PWWP3A: variants seen among roughly 807,000 people sequenced by gnomAD.
PWWP3A encodes the protein PWWP domain containing 3A, DNA repair factor, also known as PWWP domain-containing DNA repair factor 3A.
In PWWP3A, 53 loss-of-function variants were observed where a neutral mutation model predicts 79.0. That is an observed-to-expected ratio of 0.67 (90% CI 0.54 to 0.84). The LOEUF (loss-of-function observed/expected upper bound fraction) is 0.84, where lower values mean the gene tolerates loss of function less well. Ranked by LOEUF, PWWP3A falls within the 40% of genes least tolerant of loss-of-function variation. The probability of loss-of-function intolerance (pLI) is 0.00; values close to 1 mark genes in which losing one functional copy is unlikely to be tolerated. For missense variants in PWWP3A, 973 were observed against 948.0 expected, an observed-to-expected ratio of 1.03 and a Z score of -0.35; for synonymous variants, 443 against 394.4, an observed-to-expected ratio of 1.12 and a Z score of -1.46.
intron 6 of PWWP3A, among the ~76,000 whole-genome samples, chr19:1,362,828 G>A (rs2082048926): frequency 6.6e-6 from 1 of 152,244 alleles, no homozygotes; most frequent in Admixed American, 6.5e-5. Context: ...TGCACTAGAG[G>A]AAAACCTGCC....
chr19:1,362,364 C>G lies in PWWP3A; in HGVS notation c.1213+13C>G. 6.2e-7 allele frequency: 1 copy of G among 1,607,940 alleles called. No homozygotes were observed. The highest frequency in any genetic ancestry group is 8.5e-7 in the Non-Finnish European group (1 of 1,175,710). On this transcript the variant is annotated intron_variant, in intron 6 of 13. Coordinates refer to ENST00000591337, the MANE Select transcript of PWWP3A (RefSeq NM_001369789.1). ...CTTTTATACCACGGTAAGAAATGAT[C>G]AGGGGGCGCCGGCAGTCCTAACGGT...
chr19:1,362,527 A>G (rs1308723741), intron 6 of PWWP3A, among the ~76,000 whole-genome samples, 176 bp downstream of exon 6: 1 of 152,114 alleles, frequency 6.6e-6, no homozygotes, highest in African/African-American at 2.4e-5. Context: ...TCAGTCCTCT[A>G]TCTTAAGAAT....
rs961488698 is a variant in PWWP3A at position 1,369,472 on chromosome 19, T to C, written c.1499-124T>C. On this transcript the variant is annotated intron_variant, in intron 10 of 13. Transcript: ENST00000591337. The surrounding 1 kb of genome is among the most constrained non-coding windows in gnomAD (Gnocchi z 4.0). Reference sequence around the variant, plus strand: ...GTGGGCCTGGGGCATTCCCTGTGGGTGGGCTGGGGTTCTGGCCTGGCCTGA... The same window carrying C: ...GTGGGCCTGGGGCATTCCCTGTGGGCGGGCTGGGGTTCTGGCCTGGCCTGA... 2.0e-6 allele frequency: 3 copies of C among 1,481,108 alleles called. No homozygotes were observed. The African/African-American group carries it at 4.2e-5, about 21-fold the overall frequency. 91.7% of individuals were successfully genotyped at this position (1,481,108 alleles called of 1,614,324 possible).
Position 1,357,064 on chromosome 19 carries a change from T to C in PWWP3A, c.113T>C (p.Leu38Pro), listed in dbSNP as rs1291313859. ...AATAAGAGAAGAAAGGAATATTTTC[T>C]AGCTGTGCAAATCCTCTCTCTAGAG... Reference protein sequence around the residue: ...TKNKRRKEYFLAVQILSLEEK... With the variant: ...TKNKRRKEYFPAVQILSLEEK... The change falls in exon 3 of 14, where the codon CTA becomes CCA. Residue 38 changes from leucine (L) to proline (P), a missense_variant. By Grantham distance (98) the Leu-to-Pro change is moderately conservative. Transcript: ENST00000591337. 1.2e-6 allele frequency: 2 copies of C among 1,613,260 alleles called. No homozygotes were observed. Among genetic ancestry groups the C allele is most frequent in the Non-Finnish European group, 1.7e-6 (2 of 1,179,806 alleles).
At position 1,369,785 on chromosome 19, in the gene PWWP3A, A is replaced by G. The variant is rs1044107634; in HGVS notation, c.1549+139A>G. 16 of 1,010,634 alleles carry G rather than the reference A, an allele frequency of 1.6e-5. 1 individual carries two copies. The highest frequency in any genetic ancestry group is 9.6e-5 in the East Asian group (4 of 41,628). The allele number at this position is 1,010,634 out of a possible 1,614,324, so 62.6% of individuals were successfully genotyped here. On this transcript the variant is annotated intron_variant, in intron 11 of 13. Coordinates refer to ENST00000591337, the MANE Select transcript of PWWP3A (RefSeq NM_001369789.1). The surrounding 1 kb of genome is among the most constrained non-coding windows in gnomAD (Gnocchi z 4.0). ...AGCCACACAGCATTGTTCAACCTCT[A>G]TGAGGTTTTGATGTGACCCTGAGGC...
intron 3 of PWWP3A, 160 bp from the exon 4 acceptor site, chr19:1,358,234 C>T (rs2144695073): frequency 1.7e-6 from 1 of 601,932 alleles, no homozygotes; most frequent in South Asian, 2.4e-5. Context: ...CTGCCTGTAA[C>T]CTCAGGCAGA....
At chr19:1,366,833 A>G (rs573829482) in intron 8 of PWWP3A, among the ~76,000 whole-genome samples, 17 of 152,360 alleles carry the variant, frequency 1.1e-4, no homozygotes, top group African/African-American at 3.8e-4. Flanking sequence ...GAACCATCGC[A>G]TTGCATATCC....
At chr19:1,375,162 G>A (rs1308202520) in intron 13 of PWWP3A, among the ~76,000 whole-genome samples, 1 of 150,528 alleles carries the variant, frequency 6.6e-6, no homozygotes, top group Non-Finnish European at 1.5e-5. Context: ...GGTGGAGGTT[G>A]CAGTGAGCTG....
At chr19:1,366,789 C>T (rs913489691) in intron 8 of PWWP3A, among the ~76,000 whole-genome samples, 1 of 152,246 alleles carries the variant, frequency 6.6e-6, no homozygotes, top group African/African-American at 2.4e-5. Flanking sequence ...TGAAAGCACA[C>T]GTGGATGGAT....
In PWWP3A at chr19:1,369,580, C is replaced by T. The variant is rs76572504; in HGVS notation, c.1499-16C>T. 2.4e-3 allele frequency: 3,869 copies of T among 1,614,102 alleles called. 67 individuals carry two copies. The African/African-American group carries it at 0.043, about 18-fold the overall frequency. ...CTTAGGTCTACACAGTGCTCTCTCC[C>T]CTCCACCCCCTGCAGGCTGCGGGTC... On this transcript the variant is annotated splice_polypyrimidine_tract_variant and intron_variant, in intron 10 of 13. Transcript: ENST00000591337. The surrounding 1 kb of genome is among the most constrained non-coding windows in gnomAD (Gnocchi z 4.0).
intron 2 of PWWP3A, 74 bp from the exon 3 acceptor site, chr19:1,356,935 T>C (rs1458590056): frequency 4.2e-6 from 5 of 1,181,580 alleles, no homozygotes; most frequent in Non-Finnish European, 6.2e-6. Flanking sequence ...CTGCTGCATT[T>C]GTGCTAAAGT....
In PWWP3A at chr19:1,356,353, T is replaced by C. The variant is rs1446718884; in HGVS notation, c.-40T>C. 6.2e-7 allele frequency: 1 copy of C among 1,606,322 alleles called. No individual in the cohort carries two copies. The highest frequency in any genetic ancestry group is 1.1e-5 in the South Asian group (1 of 90,944). ...CATTGGCGTGAGACCTGGGAGTACG[T>C]TGTGCCAAATCATTGCCACTTGCCA... On this transcript the variant is annotated 5_prime_UTR_variant, in exon 2 of 14. Coordinates refer to ENST00000591337, the MANE Select transcript of PWWP3A (RefSeq NM_001369789.1).
Position 1,369,797 on chromosome 19 carries a change from T to C in PWWP3A, c.1549+151T>C. The stretch of plus-strand genomic sequence containing the variant: ...TTGTTCAACCTCTATGAGGTTTTGA[T>C]GTGACCCTGAGGCTCCCTGGGACCT... On this transcript the variant is annotated intron_variant, in intron 11 of 13. Transcript: ENST00000591337. This position sits in a 1 kb window ranked among gnomAD's most constrained non-coding sequence, Gnocchi z 4.0. 1.1e-6 allele frequency: 1 copy of C among 948,754 alleles called. No homozygotes were observed. 58.8% of individuals were successfully genotyped at this position (948,754 alleles called of 1,614,324 possible). A position where few individuals can be genotyped will look rare whatever the true frequency, so the allele number is the denominator to read the frequency against.
At chr19:1,372,442 A>G (rs7256029) in intron 12 of PWWP3A, 60,681 of 152,008 alleles carry the variant, frequency 0.4, 13,090 homozygotes, top group Middle Eastern at 0.55. Context: ...TTGTGTATTC[A>G]GGATACTCTT....
Position 1,360,975 on chromosome 19 carries a change from G to A in PWWP3A, c.1054G>A (p.Ala352Thr), listed in dbSNP as rs1410874730. The A allele has an allele frequency of 2.1e-5, 31 of 1,460,872 alleles. No homozygotes were observed. Among genetic ancestry groups the A allele is most frequent in the Non-Finnish European group, 2.8e-5 (31 of 1,106,556 alleles). The allele number at this position is 1,460,872 out of a possible 1,614,324, so 90.5% of individuals were successfully genotyped here. ...CAGGCTGGGCCCGCCTCCCTCCCACGCCTCTGCGGATGCAACCAGATGTCT... is the reference window on the plus strand; with the variant it reads ...CAGGCTGGGCCCGCCTCCCTCCCACACCTCTGCGGATGCAACCAGATGTCT... The part of the protein sequence containing the change: ...TARLGPPPSH[A>T]SADATRCLPC... Residue 352 changes from alanine (A) to threonine (T), a missense_variant, in exon 5 of 14, where the codon GCC (alanine) becomes ACC (threonine). Coordinates refer to ENST00000591337, the MANE Select transcript of PWWP3A (RefSeq NM_001369789.1). This position sits in a 1 kb window ranked among gnomAD's most constrained non-coding sequence, Gnocchi z 4.4.
At position 1,369,692 on chromosome 19, in the gene PWWP3A, C is replaced by T. The variant is rs2082209549; in HGVS notation, c.1549+46C>T. On this transcript the variant is annotated intron_variant, in intron 11 of 13. Transcript: ENST00000591337. This position sits in a 1 kb window ranked among gnomAD's most constrained non-coding sequence, Gnocchi z 4.0. ...TGGAAAATGTGGTTTGCCTTTTAGC[C>T]CTTTAGAAAAACAATCTTCTATGTC... 3 of 1,600,874 alleles carry T rather than the reference C, an allele frequency of 1.9e-6. No individual in the cohort carries two copies. The highest frequency in any genetic ancestry group is 2.6e-6 in the Non-Finnish European group (3 of 1,167,882).
At chr19:1,364,952 C>G (rs1043115392) in intron 7 of PWWP3A, among the ~76,000 whole-genome samples, 53 of 152,238 alleles carry the variant, frequency 3.5e-4, no homozygotes, top group Admixed American at 3.1e-3. Flanking sequence ...AACCCTGACT[C>G]TACTAAAAAT....
At chr19:1,367,296 C>T (rs950170565) in intron 9 of PWWP3A, 76 bp downstream of exon 9, 50 of 1,277,742 alleles carry the variant, frequency 3.9e-5, no homozygotes, top group Non-Finnish European at 5.6e-5. Context: ...GTGTGTAGCT[C>T]TTGAAATCCA....
rs752132980 is a variant in PWWP3A at position 1,376,983 on chromosome 19, C to T, written c.*407C>T. Reference sequence around the variant, plus strand: ...TGCCGTGATCATGGAGCTTCGGAAGCGGGAATGGTTCTTCCGGGTTTGCTG... The same window carrying T: ...TGCCGTGATCATGGAGCTTCGGAAGTGGGAATGGTTCTTCCGGGTTTGCTG... On this transcript the variant is annotated 3_prime_UTR_variant, in exon 14 of 14. Coordinates refer to ENST00000591337, the MANE Select transcript of PWWP3A (RefSeq NM_001369789.1). 10 of 156,942 alleles carry T rather than the reference C, an allele frequency of 6.4e-5. No individual in the cohort carries two copies. Among genetic ancestry groups the T allele is most frequent in the Non-Finnish European group, 1.3e-4 (9 of 71,750 alleles). The allele number at this position is 156,942 out of a possible 1,614,324, so 9.7% of individuals were successfully genotyped here.
Sources: gnomAD v4.1 joint callset for allele counts (sites outside exome capture counted in the v4.1 genomes callset) on GRCh38, gnomAD v4.1.1 for gene constraint, Gnocchi (gnomAD v3.1) non-coding constraint, MANE v1.5 for transcripts, NCBI Gene and HGNC (gene_info 2026-07-23, HGNC 2026-07-21) for gene names.